SEZ6L: variants seen among roughly 807,000 people sequenced by gnomAD.
SEZ6L encodes the protein seizure 6-like protein.
A neutral mutation model predicts 106.2 loss-of-function variants in SEZ6L; 37 were observed. The ratio of observed to expected loss-of-function variants is 0.35; its 90% confidence interval spans 0.27 to 0.46. The LOEUF (loss-of-function observed/expected upper bound fraction) is 0.46, where lower values mean the gene tolerates loss of function less well. Ranked by LOEUF, SEZ6L falls within the 20% of genes least tolerant of loss-of-function variation. The pLI, the probability that SEZ6L is intolerant of heterozygous loss-of-function variation, is 1.00. For synonymous variants in SEZ6L, 541 were observed against 570.4 expected, an observed-to-expected ratio of 0.95 and a Z score of 0.73; for missense variants, 1,172 against 1,332.8, an observed-to-expected ratio of 0.88 and a Z score of 1.88.
intron 8 of SEZ6L, among the ~76,000 whole-genome samples, 198 bp downstream of exon 8, chr22:26,312,160 G>A (rs5997066): frequency 0.24 from 36,589 of 152,158 alleles, 5,317 homozygotes; most frequent in African/African-American, 0.41. Context: ...GTGAATTTTA[G>A]AAGGTGCACC....
At chr22:26,314,614 A>G (rs2081946482) in intron 9 of SEZ6L, among the ~76,000 whole-genome samples, 1 of 152,110 alleles carries the variant, frequency 6.6e-6, no homozygotes, top group South Asian at 2.1e-4. Context: ...AATGTTTTTA[A>G]TGAACGGACT....
At chr22:26,348,646 A>AAGAAAGAAAGAG (rs1556371589) in intron 11 of SEZ6L, among the ~76,000 whole-genome samples, 3 of 7,694 alleles carry the variant, frequency 3.9e-4, no homozygotes, top group African/African-American at 2.4e-3. Flanking sequence ...GAAAGAAAGA[A>AAGAAAGAAAGAG]AAAGAAAGAA....
intron 1 of SEZ6L, among the ~76,000 whole-genome samples, chr22:26,287,254 G>T (rs768862217): frequency 9.2e-5 from 14 of 152,256 alleles, no homozygotes; most frequent in Admixed American, 3.3e-4. Flanking sequence ...TTTAAGGAAA[G>T]CTCCATCTCT....
intron 16 of SEZ6L, among the ~76,000 whole-genome samples, chr22:26,379,547 C>A (rs2084346361): frequency 6.6e-6 from 1 of 152,244 alleles, no homozygotes; most frequent in African/African-American, 2.4e-5. Flanking sequence ...ACAGTGTCAA[C>A]TTCCAGGGCT....
Position 26,382,085 on chromosome 22 carries a change from A to T in SEZ6L, c.*1790A>T, listed in dbSNP as rs2084426470. The T allele has an allele frequency of 1.9e-6, 1 of 517,744 alleles. No individual in the cohort carries two copies. The allele number at this position is 517,744 out of a possible 1,614,324, so 32.1% of individuals were successfully genotyped here. ...GACCAGAATATTTTCCTTCTGCCAGAAAAGAATCTTGCACATATACTCCTG... is the reference window on the plus strand; with the variant it reads ...GACCAGAATATTTTCCTTCTGCCAGTAAAGAATCTTGCACATATACTCCTG... On this transcript the variant is annotated 3_prime_UTR_variant, in exon 17 of 17. Coordinates refer to ENST00000248933, the MANE Select transcript of SEZ6L (RefSeq NM_021115.5).
At chr22:26,186,958 T>C (rs565622790) in intron 1 of SEZ6L, among the ~76,000 whole-genome samples, 1 of 152,210 alleles carries the variant, frequency 6.6e-6, no homozygotes, top group African/African-American at 2.4e-5. Flanking sequence ...AGAGGAATCA[T>C]TTAGGAGGTC....
intron 2 of SEZ6L, among the ~76,000 whole-genome samples, 197 bp from the exon 3 acceptor site, chr22:26,294,095 T>C (rs1183376067): frequency 6.6e-6 from 1 of 152,212 alleles, no homozygotes; most frequent in Non-Finnish European, 1.5e-5. Flanking sequence ...TAGCAGGATA[T>C]AGTAAGTGAT....
In SEZ6L at chr22:26,307,570, A is replaced by G. The variant is rs998685520; in HGVS notation, c.1514+1426A>G. ...TCAGCTTTATCCAGAACAACTCTAT[A>G]TCGATAAATTGCTGCTGTAAAGTGT... On this transcript the variant is annotated intron_variant, in intron 6 of 16. Transcript: ENST00000248933. Among the ~76,000 whole-genome samples, 11 of 152,164 alleles carry G rather than the reference A, an allele frequency of 7.2e-5. No homozygotes were observed. In the South Asian group the frequency reaches 1.0e-3, roughly 14 times the overall value.
At chr22:26,328,595 G>A (rs624390) in intron 9 of SEZ6L, among the ~76,000 whole-genome samples, 54,834 of 151,960 alleles carry the variant, frequency 0.36, 10,655 homozygotes, top group African/African-American at 0.46. Flanking sequence ...AAACGTTATC[G>A]GTGACCTTGC....
chr22:26,325,143 G>A (rs7290838), intron 9 of SEZ6L, among the ~76,000 whole-genome samples: 1,623 of 152,298 alleles, frequency 0.011, 24 homozygotes, highest in African/African-American at 0.037. Flanking sequence ...AAAGGAAGAA[G>A]ATGCATTCAA....
chr22:26,280,246 A>G (rs561025925), intron 1 of SEZ6L, among the ~76,000 whole-genome samples: 1 of 146,906 alleles, frequency 6.8e-6, no homozygotes, highest in East Asian at 1.9e-4. Context: ...AAGTCTCCCT[A>G]TAAATACATA....
intron 1 of SEZ6L, among the ~76,000 whole-genome samples, chr22:26,199,156 C>A (rs1374548773): frequency 1.3e-5 from 2 of 152,220 alleles, no homozygotes; most frequent in East Asian, 3.8e-4. Flanking sequence ...AAATCACTTA[C>A]AAATTAGCAA....
intron 5 of SEZ6L, among the ~76,000 whole-genome samples, chr22:26,304,362 A>AGAAAG (rs2081548270): frequency 7.8e-6 from 1 of 127,816 alleles, no homozygotes; most frequent in African/African-American, 3.0e-5. Context: ...AAAAAAAAAA[A>AGAAAG]AAGAAAGAAG....
At chr22:26,224,358 G>A (rs2078574118) in intron 1 of SEZ6L, among the ~76,000 whole-genome samples, 1 of 152,214 alleles carries the variant, frequency 6.6e-6, no homozygotes, top group Non-Finnish European at 1.5e-5. Flanking sequence ...GCCTGGCTCA[G>A]CTTCTGTTCT....
intron 13 of SEZ6L, among the ~76,000 whole-genome samples, chr22:26,368,428 G>A (rs1452278982): frequency 6.6e-6 from 1 of 152,204 alleles, no homozygotes; most frequent in East Asian, 1.9e-4. Flanking sequence ...TAAAAGGAAC[G>A]AAATACTGAC....
chr22:26,257,395 G>A (rs752093029), intron 1 of SEZ6L, among the ~76,000 whole-genome samples: 9 of 152,010 alleles, frequency 5.9e-5, no homozygotes, highest in South Asian at 2.1e-4. Context: ...AAAACAAGCC[G>A]CAAAAATGAA....
chr22:26,260,284 C>A (rs564956117), intron 1 of SEZ6L, among the ~76,000 whole-genome samples: 2 of 152,202 alleles, frequency 1.3e-5, no homozygotes, highest in East Asian at 1.9e-4. Flanking sequence ...TTATCCCTCA[C>A]CCCCTCCCAC....
chr22:26,234,095 G>A (rs1486060938), intron 1 of SEZ6L, among the ~76,000 whole-genome samples: 3 of 152,186 alleles, frequency 2.0e-5, no homozygotes, highest in Non-Finnish European at 4.4e-5. Flanking sequence ...CCATGGCATG[G>A]GGGACGTGAA....
intron 1 of SEZ6L, among the ~76,000 whole-genome samples, chr22:26,283,653 C>T (rs530347957): frequency 2.2e-4 from 34 of 152,244 alleles, no homozygotes; most frequent in East Asian, 3.9e-4. Context: ...CCATACAATG[C>T]CATACATTGT....
Sources: gnomAD v4.1 joint callset for allele counts (sites outside exome capture counted in the v4.1 genomes callset) on GRCh38, gnomAD v4.1.1 for gene constraint, MANE v1.5 for transcripts, NCBI Gene and HGNC (gene_info 2026-07-23, HGNC 2026-07-21) for gene names.